The following SCOC variants were observed in gnomAD, a reference collection of about 807,000 sequenced individuals.
The protein encoded by SCOC is short coiled coil protein.
A neutral mutation model predicts 9.9 loss-of-function variants in SCOC; 7 were observed. That is an observed-to-expected ratio of 0.71 (90% CI 0.40 to 1.33). The LOEUF (loss-of-function observed/expected upper bound fraction) is 1.33, where lower values mean the gene tolerates loss of function less well. Among genes scored for constraint, SCOC ranks in the 40% most tolerant of loss-of-function variants. SCOC has a pLI of 0.01. For missense variants in SCOC, 66 were observed against 89.7 expected (o/e 0.74, Z 1.07); for synonymous variants, 19 against 28.2 (o/e 0.67, Z 1.03).
chr4:140,376,160 G>C lies in SCOC; in HGVS notation c.-51+2443G>C, dbSNP rs150098779. ...ACTGTGTTAATGTAGACTTTGGGCAGTTTGGGGATCAATACTATTTTAAAA... is the reference window on the plus strand; with the variant it reads ...ACTGTGTTAATGTAGACTTTGGGCACTTTGGGGATCAATACTATTTTAAAA... On this transcript the variant is annotated intron_variant, in intron 1 of 3. Transcript: ENST00000608372. 1.4e-4 allele frequency among the ~76,000 whole-genome samples: 22 copies of C among 152,284 alleles called. 1 individual carries two copies. In the East Asian group the frequency reaches 4.2e-3, roughly 29 times the overall value.
chr4:140,350,950 G>A (rs1039262801), intron 2 of SCOC, among the ~76,000 whole-genome samples: 2 of 152,018 alleles, frequency 1.3e-5, no homozygotes, highest in Non-Finnish European at 1.5e-5. Context: ...AGCACTTTGG[G>A]AGGCTGAGGC....
chr4:140,303,947 G>A (rs1731887556), intron 1 of SCOC, among the ~76,000 whole-genome samples: 1 of 152,184 alleles, frequency 6.6e-6, no homozygotes, highest in East Asian at 1.9e-4. Flanking sequence ...AAATTCTAAT[G>A]GAAAGTTTAT....
intron 2 of SCOC, among the ~76,000 whole-genome samples, chr4:140,349,460 T>G (rs779669035): frequency 2.6e-5 from 4 of 152,198 alleles, no homozygotes; most frequent in Non-Finnish European, 4.4e-5. Flanking sequence ...GAAACTATTT[T>G]CAGACTTCTG....
chr4:140,318,075 C>T (rs959475273), intron 1 of SCOC, among the ~76,000 whole-genome samples: 13 of 152,116 alleles, frequency 8.5e-5, no homozygotes, highest in African/African-American at 2.9e-4. Context: ...ATATGTGCCA[C>T]ATTTTCTTAA....
chr4:140,359,222 G>A (rs376595395), intron 2 of SCOC, among the ~76,000 whole-genome samples: 5 of 152,220 alleles, frequency 3.3e-5, no homozygotes, highest in South Asian at 2.1e-4. Flanking sequence ...TGGGGGCTGC[G>A]GTCATCTGAA....
intron 1 of SCOC, among the ~76,000 whole-genome samples, chr4:140,286,006 G>A (rs531750921): frequency 5.0e-4 from 76 of 152,162 alleles, no homozygotes; most frequent in Non-Finnish European, 9.6e-4. Flanking sequence ...CCAACAAGGC[G>A]AAATCCCATC....
At chr4:140,267,572 G>C (rs886323975) in intron 1 of SCOC, among the ~76,000 whole-genome samples, 2 of 152,126 alleles carry the variant, frequency 1.3e-5, no homozygotes, top group African/African-American at 2.4e-5. Context: ...GCTGGATGGT[G>C]GAGGTAGAGA....
intron 1 of SCOC, among the ~76,000 whole-genome samples, chr4:140,332,070 C>T (rs1391946173): frequency 1.3e-5 from 2 of 152,078 alleles, no homozygotes; most frequent in African/African-American, 4.8e-5. Flanking sequence ...CTTGAAAACT[C>T]TTATCATGTG....
upstream of SCOC, among the ~76,000 whole-genome samples, chr4:140,370,051 G>A (rs1221466076): frequency 1.3e-5 from 2 of 151,762 alleles, no homozygotes; most frequent in Non-Finnish European, 2.9e-5. Flanking sequence ...TGCAAGAGCT[G>A]CCTTTTTATG....
chr4:140,311,518 G>A (rs1732154897), intron 1 of SCOC, among the ~76,000 whole-genome samples: 1 of 152,010 alleles, frequency 6.6e-6, no homozygotes, highest in Non-Finnish European at 1.5e-5. Flanking sequence ...TGTTATCAAG[G>A]GTGGAGATGA....
intron 1 of SCOC, among the ~76,000 whole-genome samples, chr4:140,321,088 A>C (rs1394512087): frequency 6.6e-6 from 1 of 152,190 alleles, no homozygotes; most frequent in Non-Finnish European, 1.5e-5. Context: ...GAAACAATAT[A>C]TCACTAGGGG....
intron 1 of SCOC, among the ~76,000 whole-genome samples, chr4:140,309,293 A>T (rs1732082784): frequency 6.6e-6 from 1 of 152,296 alleles, no homozygotes; most frequent in East Asian, 1.9e-4. Context: ...GCCTCACCTC[A>T]CAGCTGGCCA....
chr4:140,346,003 G>T (rs750574420), intron 2 of SCOC, among the ~76,000 whole-genome samples: 8 of 152,164 alleles, frequency 5.3e-5, no homozygotes, highest in Non-Finnish European at 1.2e-4. Context: ...CATTACAGAT[G>T]ATAAAACTGT....
chr4:140,262,766 T>C (rs1459124540), intron 1 of SCOC, among the ~76,000 whole-genome samples: 1 of 151,596 alleles, frequency 6.6e-6, no homozygotes, highest in Non-Finnish European at 1.5e-5. Context: ...AAACTTACAA[T>C]TATGGCGGAG....
intron 2 of SCOC, among the ~76,000 whole-genome samples, chr4:140,368,273 G>A (rs1406145750): frequency 6.6e-6 from 1 of 152,062 alleles, no homozygotes; most frequent in Non-Finnish European, 1.5e-5. Context: ...CATAATTTTT[G>A]CCACATTAAA....
intron 1 of SCOC, among the ~76,000 whole-genome samples, chr4:140,298,861 G>A (rs1360542244): frequency 6.6e-6 from 1 of 152,126 alleles, no homozygotes; most frequent in African/African-American, 2.4e-5. Context: ...TGTCACCCAG[G>A]CTGGAATGCA....
chr4:140,381,130 G>A lies in SCOC; in HGVS notation c.*26G>A. On this transcript the variant is annotated 3_prime_UTR_variant, in exon 4 of 4. Transcript: ENST00000608372. ...GGGATTGACACCCTTCTGTTTTATGGAATTGCTGCTGATCATTTTTTCTTT... is the reference window on the plus strand; with the variant it reads ...GGGATTGACACCCTTCTGTTTTATGAAATTGCTGCTGATCATTTTTTCTTT... 1.3e-6 allele frequency: 2 copies of A among 1,549,422 alleles called. No homozygotes were observed. The highest frequency in any genetic ancestry group is 1.7e-6 in the Non-Finnish European group (2 of 1,159,092).
chr4:140,373,657 C>G lies in SCOC; in HGVS notation c.-111C>G. ...GCGGAGCTGCCGGGGTCAGTTGGTC[C>G]AAGTGTCCCGGCCTGAGGTGTCGGC... On this transcript the variant is annotated 5_prime_UTR_variant, in exon 1 of 4. Coordinates refer to ENST00000608372, the MANE Select transcript of SCOC (RefSeq NM_001153484.2). The G allele has an allele frequency of 6.4e-7, 1 of 1,551,482 alleles. No homozygotes were observed. Among genetic ancestry groups the G allele is most frequent in the African/African-American group, 1.4e-5 (1 of 73,152 alleles).
intron 2 of SCOC, among the ~76,000 whole-genome samples, chr4:140,355,779 A>G (rs1403871270): frequency 6.6e-6 from 1 of 152,226 alleles, no homozygotes; most frequent in African/African-American, 2.4e-5. Context: ...TGCGATTACA[A>G]CCATGCAAAA....
Sources: allele counts gnomAD v4.1 joint callset (sites outside exome capture counted in the v4.1 genomes callset), GRCh38; gene constraint gnomAD v4.1.1; transcripts MANE v1.5; gene names NCBI Gene and HGNC (gene_info 2026-07-23, HGNC 2026-07-21).